Variants in GRHL2 observed in about 807,000 individuals in gnomAD.
GRHL2 encodes the protein grainyhead like transcription factor 2, also known as grainyhead-like protein 2 homolog.
Under a neutral mutation model 83.8 loss-of-function variants are expected in GRHL2, and 21 were observed. The observed-to-expected ratio is 0.25, with a 90% CI of 0.18 to 0.36. The LOEUF is 0.36. Among genes scored for constraint, GRHL2 ranks in the 10% least tolerant of loss-of-function variants. GRHL2 has a pLI of 1.00. For missense variants in GRHL2, 623 were observed against 781.8 expected (o/e 0.80, Z 2.42); for synonymous variants, 280 against 278.9 (o/e 1.00, Z -0.04).
intron 12 of GRHL2, among the ~76,000 whole-genome samples, chr8:101,639,156 T>G (rs775075500): frequency 6.6e-6 from 1 of 152,206 alleles, no homozygotes; most frequent in Non-Finnish European, 1.5e-5. Context: ...TAGATGGCCA[T>G]CGACCTACTT....
intron 8 of GRHL2, among the ~76,000 whole-genome samples, chr8:101,616,154 T>C (rs758705191): frequency 1.3e-5 from 2 of 149,328 alleles, no homozygotes; most frequent in Non-Finnish European, 3.0e-5. Flanking sequence ...TCTCTCTCTC[T>C]TCTTCCTTCC....
At chr8:101,532,525 G>A (rs1310243063) in intron 1 of GRHL2, among the ~76,000 whole-genome samples, 2 of 152,178 alleles carry the variant, frequency 1.3e-5, no homozygotes, top group Non-Finnish European at 2.9e-5. Context: ...GCCAAGGTGG[G>A]CGGATCACGA....
intron 12 of GRHL2, among the ~76,000 whole-genome samples, chr8:101,641,517 A>G (rs1003042676): frequency 5.9e-5 from 9 of 152,188 alleles, no homozygotes; most frequent in African/African-American, 2.2e-4. Context: ...TGCCTTTTAC[A>G]GGTATGGCCA....
Position 101,529,382 on chromosome 8 carries a change from A to G in GRHL2, c.21-13859A>G, listed in dbSNP as rs185707995. ...CGGGAGGCGGAGGTTGTGGTGAGCC[A>G]AGATTGAACCACTGCACTCCAGCCT... On this transcript the variant is annotated intron_variant, in intron 1 of 15. Coordinates refer to ENST00000646743, the MANE Select transcript of GRHL2 (RefSeq NM_024915.4). 3.5e-4 allele frequency: 59 copies of G among 166,990 alleles called. 1 individual carries two copies. In the East Asian group the frequency reaches 0.01, roughly 29 times the overall value. The allele number at this position is 166,990 out of a possible 1,614,324, so 10.3% of individuals were successfully genotyped here.
intron 1 of GRHL2, among the ~76,000 whole-genome samples, chr8:101,502,290 T>C (rs1416368642): frequency 6.6e-6 from 1 of 152,168 alleles, no homozygotes; most frequent in Non-Finnish European, 1.5e-5. Context: ...TCCAGAGGGG[T>C]CTGGGCTGGT....
Position 101,652,309 on chromosome 8 carries a change from AGTGTGTGTGC to A in GRHL2, c.1698+2820_1698+2829del, listed in dbSNP as rs1813641989. Among the ~76,000 whole-genome samples, 11 of 139,388 alleles carry A rather than the reference AGTGTGTGTGC, an allele frequency of 7.9e-5. No homozygotes were observed. The South Asian group carries it at 2.3e-3, about 29-fold the overall frequency. 91.4% of individuals were successfully genotyped at this position (139,388 alleles called of 152,430 possible). A position where few individuals can be genotyped will look rare whatever the true frequency, so the allele number is the denominator to read the frequency against. ...TTGGTATATACAAATGTATATTGGT[AGTGTGTGTGC>A]GTGTGTGTGTGGTGTGTGTGTATGT... On this transcript the variant is annotated intron_variant, in intron 14 of 15. Coordinates refer to ENST00000646743, the MANE Select transcript of GRHL2 (RefSeq NM_024915.4).
intron 1 of GRHL2, among the ~76,000 whole-genome samples, chr8:101,512,559 C>T (rs143226256): frequency 0.015 from 2,275 of 152,290 alleles, 153 homozygotes; most frequent in East Asian, 0.11. Flanking sequence ...ACTGCAACCT[C>T]CGCCTCCCGG....
chr8:101,518,040 A>C (rs984564054), intron 1 of GRHL2, among the ~76,000 whole-genome samples: 1 of 151,640 alleles, frequency 6.6e-6, no homozygotes, highest in Non-Finnish European at 1.5e-5. Context: ...GGCTCCACAC[A>C]CTCTTCCCTC....
At chr8:101,493,368 G>A (rs1296650841) in intron 1 of GRHL2, among the ~76,000 whole-genome samples, 1 of 152,172 alleles carries the variant, frequency 6.6e-6, no homozygotes, top group African/African-American at 2.4e-5. Context: ...GCGCTGGGAG[G>A]CCGGGGGGCG....
intron 1 of GRHL2, among the ~76,000 whole-genome samples, chr8:101,500,407 A>G (rs1030306188): frequency 6.6e-6 from 1 of 152,162 alleles, no homozygotes; most frequent in African/African-American, 2.4e-5. Flanking sequence ...TCTTCAGATC[A>G]GTTTTGTTTA....
chr8:101,672,669 C>T (rs1369933444), downstream of GRHL2, among the ~76,000 whole-genome samples: 1 of 151,850 alleles, frequency 6.6e-6, no homozygotes, highest in Non-Finnish European at 1.5e-5. Context: ...TCTAGCAAGG[C>T]AGGCCAACGT....
intron 1 of GRHL2, among the ~76,000 whole-genome samples, chr8:101,536,821 T>C (rs181593946): frequency 1.3e-5 from 2 of 152,320 alleles, no homozygotes; most frequent in Admixed American, 1.3e-4. Flanking sequence ...GTCTGTTATA[T>C]AGGTAAACTC....
intron 4 of GRHL2, 27 bp downstream of exon 4, chr8:101,558,839 A>G (rs2130178276): frequency 1.2e-6 from 2 of 1,612,296 alleles, no homozygotes; most frequent in Middle Eastern, 1.7e-4. Flanking sequence ...ATCGACGGCC[A>G]GAACCCAAAC....
At chr8:101,631,907 G>T (rs1200978652) in intron 10 of GRHL2, among the ~76,000 whole-genome samples, 183 bp downstream of exon 10, 1 of 152,188 alleles carries the variant, frequency 6.6e-6, no homozygotes, top group African/African-American at 2.4e-5. Context: ...AGAATCACAT[G>T]AGCACAGTGT....
At chr8:101,521,637 C>T (rs1282372473) in intron 1 of GRHL2, among the ~76,000 whole-genome samples, 1 of 152,168 alleles carries the variant, frequency 6.6e-6, no homozygotes, top group African/African-American at 2.4e-5. Flanking sequence ...CAGTTAAGAC[C>T]TGTCGAATGA....
chr8:101,605,587 C>T (rs1019470027), intron 8 of GRHL2, among the ~76,000 whole-genome samples: 23 of 152,230 alleles, frequency 1.5e-4, no homozygotes, highest in African/African-American at 5.3e-4. Flanking sequence ...CACACTTTCT[C>T]CTTCCCCACA....
intron 9 of GRHL2, among the ~76,000 whole-genome samples, chr8:101,621,209 A>G (rs1200117125): frequency 6.6e-6 from 1 of 152,236 alleles, no homozygotes; most frequent in Non-Finnish European, 1.5e-5. Flanking sequence ...GAAAAAAGAG[A>G]TTAAGATCAG....
intron 4 of GRHL2, among the ~76,000 whole-genome samples, chr8:101,559,135 T>G (rs1811550692): frequency 6.6e-6 from 1 of 151,930 alleles, no homozygotes; most frequent in African/African-American, 2.4e-5. Flanking sequence ...CTTTGTAAAG[T>G]TTTCACCTTG....
intron 14 of GRHL2, among the ~76,000 whole-genome samples, chr8:101,652,373 GAT>G (rs1491364258): frequency 2.7e-3 from 28 of 10,406 alleles, no homozygotes; most frequent in African/African-American, 4.3e-3. Flanking sequence ...GTGTGTGTCT[GAT>G]GTGTGTGTGG....
Sources: gnomAD v4.1 joint callset for allele counts (sites outside exome capture counted in the v4.1 genomes callset) on GRCh38, gnomAD v4.1.1 for gene constraint, MANE v1.5 for transcripts, NCBI Gene and HGNC (gene_info 2026-07-23, HGNC 2026-07-21) for gene names.